Variants in NEK10 observed in about 807,000 individuals in gnomAD.
NEK10 encodes NIMA related kinase 10.
In NEK10, 122 loss-of-function variants were observed where a neutral mutation model predicts 159.8. The ratio of observed to expected loss-of-function variants is 0.76; its 90% CI spans 0.66 to 0.89. The LOEUF (loss-of-function observed/expected upper bound fraction) is 0.89. NEK10 is among the 40% of genes least tolerant of loss of function. The pLI is 0.00. For missense variants in NEK10, 1,342 were observed against 1,323.1 expected (o/e 1.01, Z -0.22); for synonymous variants, 466 against 457.1 (o/e 1.02, Z -0.25).
chr3:27,188,703 T>C (rs1189854418), intron 26 of NEK10, among the ~76,000 whole-genome samples: 3 of 152,200 alleles, frequency 2.0e-5, no homozygotes, highest in South Asian at 2.1e-4. Flanking sequence ...TTTGTACACA[T>C]AGAAATATGC....
rs985214694 is a variant in NEK10, at chr3:27,291,528, T to C, written c.1432A>G (p.Ile478Val). 1.9e-6 allele frequency: 3 copies of C among 1,611,826 alleles called. No homozygotes were observed. In the Admixed American group the frequency reaches 5.0e-5, roughly 27 times the overall value. Residue 478 changes from isoleucine (I) to valine (V), a missense_variant, in exon 17 of 36, where the codon ATC (isoleucine) becomes GTC (valine). Transcript: ENST00000691995. ...GATACCAATTCTTCATAAGCACTGATATCACGTACATAATGCCCTATGTCA... is the reference window on the plus strand; with the variant it reads ...GATACCAATTCTTCATAAGCACTGACATCACGTACATAATGCCCTATGTCA... ...FIDIGHYVRD[I>V]SAYEELVSKL...
At chr3:27,111,362 A>G (rs555906362) in intron 35 of NEK10, 42 bp from the exon 36 acceptor site, 1 of 1,476,184 alleles carries the variant, frequency 6.8e-7, no homozygotes, top group East Asian at 2.5e-5. Flanking sequence ...ATAGTTACAA[A>G]TATTTTAGTT....
intron 30 of NEK10, among the ~76,000 whole-genome samples, chr3:27,156,929 G>GATTAT (rs1200259108): frequency 3.5e-5 from 1 of 28,314 alleles, no homozygotes; most frequent in Non-Finnish European, 7.1e-5. Context: ...TAAAGAAACT[G>GATTAT]ATATATATAT....
At chr3:27,307,429 A>G (rs513546) in intron 11 of NEK10, among the ~76,000 whole-genome samples, 61,712 of 152,082 alleles carry the variant, frequency 0.41, 16,079 homozygotes, top group African/African-American at 0.75. Context: ...TTGAGTTATC[A>G]TAGCAGGTGA....
At chr3:27,324,202 A>ATAGC (rs1404174274) in intron 5 of NEK10, among the ~76,000 whole-genome samples, 1 of 152,322 alleles carries the variant, frequency 6.6e-6, no homozygotes, top group East Asian at 1.9e-4. Flanking sequence ...ACATCCAGTT[A>ATAGC]TAGCTAGTAG....
chr3:27,326,512 A>AT (rs1268953459), intron 5 of NEK10, among the ~76,000 whole-genome samples: 1 of 152,198 alleles, frequency 6.6e-6, no homozygotes, highest in Non-Finnish European at 1.5e-5. Context: ...TTTTCCAGTG[A>AT]TTTTTCATAT....
chr3:27,136,394 G>A (rs1943220767), intron 31 of NEK10, among the ~76,000 whole-genome samples: 1 of 151,910 alleles, frequency 6.6e-6, no homozygotes, highest in African/African-American at 2.4e-5. Flanking sequence ...TTACAGGCGT[G>A]AGCCACCGCG....
chr3:27,239,241 A>G (rs1320132489), intron 23 of NEK10, among the ~76,000 whole-genome samples: 2 of 152,238 alleles, frequency 1.3e-5, no homozygotes, highest in Admixed American at 1.3e-4. Context: ...CCCAGAAAGA[A>G]TGTAAAACTT....
intron 20 of NEK10, among the ~76,000 whole-genome samples, chr3:27,285,221 T>A (rs1036386470): frequency 1.3e-5 from 2 of 152,146 alleles, no homozygotes; most frequent in African/African-American, 4.8e-5. Context: ...GGCAAATGTA[T>A]CATTTTCTAT....
intron 22 of NEK10, among the ~76,000 whole-genome samples, chr3:27,259,272 T>C (rs137969958): frequency 6.6e-6 from 1 of 152,352 alleles, no homozygotes; most frequent in African/African-American, 2.4e-5. Flanking sequence ...CTTTTGGTGT[T>C]TTAGACATGA....
chr3:27,225,982 TA>T (rs1395527435), intron 23 of NEK10, among the ~76,000 whole-genome samples: 1 of 152,184 alleles, frequency 6.6e-6, no homozygotes, highest in Admixed American at 6.5e-5. Context: ...ATGACAAATG[TA>T]CACTGTATGT....
At chr3:27,310,763 A>T (rs572662369) in intron 9 of NEK10, 186 bp downstream of exon 9, 117 of 423,918 alleles carry the variant, frequency 2.8e-4, no homozygotes, top group Non-Finnish European at 3.9e-4. Context: ...TATTTATTAT[A>T]TCTCTATTAA....
intron 23 of NEK10, among the ~76,000 whole-genome samples, chr3:27,211,574 T>C (rs949260613): frequency 2.6e-5 from 4 of 152,150 alleles, no homozygotes; most frequent in Non-Finnish European, 5.9e-5. Context: ...GGTAAAAGCA[T>C]GTATGATCTC....
chr3:27,174,617 G>A, intron 27 of NEK10, 33 bp downstream of exon 27: 1 of 1,600,086 alleles, frequency 6.2e-7, no homozygotes, highest in Non-Finnish European at 8.5e-7. Flanking sequence ...GCCACTAGCA[G>A]TACCTACGTT....
chr3:27,116,046 A>G (rs754051451), intron 34 of NEK10, 29 bp downstream of exon 34: 3 of 1,612,756 alleles, frequency 1.9e-6, no homozygotes, highest in South Asian at 1.1e-5. Context: ...ACAAAATAAA[A>G]TCATTCAGAG....
intron 12 of NEK10, among the ~76,000 whole-genome samples, chr3:27,303,542 C>A (rs1389109634): frequency 6.6e-6 from 1 of 152,124 alleles, no homozygotes. Context: ...TATGTCACAG[C>A]ACTAATGAAT....
At position 27,174,746 on chromosome 3, in the gene NEK10, G is replaced by A. The variant is rs761822059; in HGVS notation, c.2593C>T (p.Pro865Ser). ...SELSESADLP[P>S]EGFQASYGKD... ...CCATAGGAGGCCTGGAAGCCTTCAG[G>A]GGGCAGGTCTGCGCTTTCTGAAAGT... is the stretch of plus-strand genomic sequence containing the variant. Residue 865 changes from proline to serine, a missense_variant, in exon 27 of 36, where the codon CCT (proline) becomes TCT (serine). By Grantham distance (74) the Pro-to-Ser change is moderately conservative (BLOSUM62 -1). Transcript: ENST00000691995. The A allele has an allele frequency of 7.4e-6, 12 of 1,613,500 alleles. No individual in the cohort carries two copies. Among genetic ancestry groups the A allele is most frequent in the African/African-American group, 1.3e-5 (1 of 74,856 alleles).
chr3:27,295,941 G>A (rs544876219), intron 14 of NEK10, among the ~76,000 whole-genome samples: 4 of 152,144 alleles, frequency 2.6e-5, no homozygotes, highest in African/African-American at 7.2e-5. Flanking sequence ...GTACATAAAC[G>A]TAAAGTGATT....
chr3:27,243,752 T>C lies in NEK10; in HGVS notation c.2090+12544A>G, dbSNP rs114853921. Among the ~76,000 whole-genome samples the C allele has an allele frequency of 4.4e-3, 675 of 152,240 alleles. 2 individuals carry two copies. The highest frequency in any genetic ancestry group is 0.015 in the African/African-American group (621 of 41,552). The stretch of plus-strand genomic sequence containing the variant: ...GAGGTCCCTGTTCTACCCTACTTTC[T>C]ATATTATCCTGGAGACTCATTACAA... On this transcript the variant is annotated intron_variant, in intron 23 of 35. Coordinates refer to ENST00000691995, the MANE Select transcript of NEK10 (RefSeq NM_001394966.1).
Sources: allele counts gnomAD v4.1 joint callset (sites outside exome capture counted in the v4.1 genomes callset), GRCh38; gene constraint gnomAD v4.1.1; transcripts MANE v1.5; gene names NCBI Gene and HGNC (gene_info 2026-07-23, HGNC 2026-07-21).